The following ULK4 variants were observed in gnomAD, a reference collection of about 807,000 sequenced individuals.
ULK4 encodes unc-51 like kinase 4, also known as inactive serine/threonine-protein kinase ULK4.
A neutral mutation model predicts 160.6 loss-of-function variants in ULK4; 133 were observed. The ratio of observed to expected loss-of-function variants is 0.83; its 90% CI spans 0.72 to 0.96. ULK4 has a LOEUF of 0.96. Ranked by LOEUF, ULK4 falls within the 40% of genes least tolerant of loss-of-function variation. The pLI is 0.00. For missense variants in ULK4, 1,580 were observed against 1,499.5 expected, an observed-to-expected ratio of 1.05 and a Z score of -0.89; for synonymous variants, 534 against 539.8, an observed-to-expected ratio of 0.99 and a Z score of 0.15.
At chr3:41,543,046 A>G (rs1452733490) in intron 32 of ULK4, among the ~76,000 whole-genome samples, 1 of 152,172 alleles carries the variant, frequency 6.6e-6, no homozygotes, top group South Asian at 2.1e-4. Flanking sequence ...ACAGAGAAGC[A>G]TTCCCAAGGA....
intron 22 of ULK4, among the ~76,000 whole-genome samples, chr3:41,732,363 TCAA>T (rs1177520461): frequency 1.3e-5 from 2 of 152,202 alleles, no homozygotes; most frequent in Non-Finnish European, 2.9e-5. Flanking sequence ...TTAAAAATGC[TCAA>T]CAACATCACC....
intron 35 of ULK4, among the ~76,000 whole-genome samples, chr3:41,387,124 T>A (rs1435720499): frequency 3.3e-5 from 5 of 152,148 alleles, no homozygotes; most frequent in Admixed American, 6.6e-5. Context: ...AACTACTGTA[T>A]AAATTCATGG....
chr3:41,675,851 T>C (rs1443863159), intron 29 of ULK4, among the ~76,000 whole-genome samples: 1 of 152,236 alleles, frequency 6.6e-6, no homozygotes, highest in East Asian at 1.9e-4. Flanking sequence ...AATGCCTTGA[T>C]TTCAGACTTC....
chr3:41,641,877 T>A (rs538079416), intron 30 of ULK4, among the ~76,000 whole-genome samples: 1 of 151,466 alleles, frequency 6.6e-6, no homozygotes, highest in Non-Finnish European at 1.5e-5. Context: ...ATACCTTTTT[T>A]TTTTTTTTTT....
chr3:41,785,869 T>G (rs566910852), intron 21 of ULK4, among the ~76,000 whole-genome samples: 62 of 152,340 alleles, frequency 4.1e-4, no homozygotes, highest in Non-Finnish European at 5.6e-4. Flanking sequence ...CCTTCCTCCC[T>G]GCTGGCTGTG....
chr3:41,956,568 T>G (rs1397155013), intron 1 of ULK4, among the ~76,000 whole-genome samples: 4 of 152,092 alleles, frequency 2.6e-5, no homozygotes, highest in Admixed American at 2.6e-4. Flanking sequence ...CCTTATAAAT[T>G]TTGAGAAGCA....
intron 12 of ULK4, among the ~76,000 whole-genome samples, chr3:41,904,961 C>A (rs1698501534): frequency 1.3e-5 from 2 of 152,180 alleles, no homozygotes; most frequent in Admixed American, 1.3e-4. Flanking sequence ...TGATTAAAAT[C>A]CCAGCTGGCT....
chr3:41,336,445 G>A (rs2080557312), intron 35 of ULK4, among the ~76,000 whole-genome samples: 1 of 152,148 alleles, frequency 6.6e-6, no homozygotes, highest in Non-Finnish European at 1.5e-5. Flanking sequence ...AAGGTCCTAT[G>A]GACTTCTATT....
intron 32 of ULK4, among the ~76,000 whole-genome samples, chr3:41,537,923 A>ATTT (rs34200441): frequency 0.021 from 3,002 of 145,630 alleles, 100 homozygotes; most frequent in African/African-American, 0.07. Context: ...CCTTTGTGGC[A>ATTT]TTTTTTTTTT....
At chr3:41,553,685 C>CT (rs1019981534) in intron 32 of ULK4, among the ~76,000 whole-genome samples, 11 of 152,032 alleles carry the variant, frequency 7.2e-5, no homozygotes, top group African/African-American at 2.2e-4. Flanking sequence ...AAGAAGACTG[C>CT]TTTTTTGTGT....
chr3:41,858,975 A>T (rs2042436334), intron 17 of ULK4, among the ~76,000 whole-genome samples: 1 of 152,186 alleles, frequency 6.6e-6, no homozygotes, highest in Admixed American at 6.5e-5. Context: ...CTTGTCTTGC[A>T]GCAGTTTCTA....
chr3:41,375,133 A>G (rs1393306255), intron 35 of ULK4, among the ~76,000 whole-genome samples: 1 of 152,218 alleles, frequency 6.6e-6, no homozygotes, highest in Non-Finnish European at 1.5e-5. Flanking sequence ...GAAATAAAAG[A>G]GGACATAAAC....
chr3:41,825,124 T>C (rs958312364), intron 18 of ULK4, among the ~76,000 whole-genome samples: 51 of 152,058 alleles, frequency 3.4e-4, no homozygotes, highest in African/African-American at 1.2e-3. Flanking sequence ...GAAGGAAAAC[T>C]AACAAACAGA....
At chr3:41,954,533 C>T in intron 2 of ULK4, 89 bp downstream of exon 2, 1 of 1,460,396 alleles carries the variant, frequency 6.8e-7, no homozygotes, top group Non-Finnish European at 9.2e-7. Context: ...TTTGATATAT[C>T]AAATTCAATG....
chr3:41,439,428 C>T (rs763000880), intron 34 of ULK4, among the ~76,000 whole-genome samples: 14 of 151,928 alleles, frequency 9.2e-5, no homozygotes, highest in Admixed American at 2.6e-4. Context: ...AGGAAACCAC[C>T]GAACAAAATG....
chr3:41,621,300 G>T (rs138154837), intron 30 of ULK4, among the ~76,000 whole-genome samples: 6,531 of 151,966 alleles, frequency 0.043, 178 homozygotes, highest in African/African-American at 0.066. Flanking sequence ...AGAGCCTGTA[G>T]AGCCAAGACA....
Position 41,657,818 on chromosome 3 carries a change from T to TAAAAAAAAA in ULK4, c.3071+5780_3071+5788dup, listed in dbSNP as rs60281588. ...GTGACAAAGCGAGACTCCATCTCAT[T>TAAAAAAAAA]AAAAAAAAAAAAAAAAACACACACC... is the stretch of plus-strand genomic sequence containing the variant. On this transcript the variant is annotated intron_variant, in intron 30 of 36. Transcript: ENST00000301831. 1.2e-4 allele frequency among the ~76,000 whole-genome samples: 12 copies of TAAAAAAAAA among 99,718 alleles called. 2 individuals are homozygous for TAAAAAAAAA. The highest frequency in any genetic ancestry group is 4.7e-4 in the African/African-American group (7 of 14,968). 65.4% of individuals were successfully genotyped at this position (99,718 alleles called of 152,430 possible).
At chr3:41,959,235 C>T (rs1357290611) in intron 1 of ULK4, among the ~76,000 whole-genome samples, 1 of 151,164 alleles carries the variant, frequency 6.6e-6, no homozygotes, top group African/African-American at 2.4e-5. Flanking sequence ...CATGGTGGCA[C>T]GCGCCTGTAG....
chr3:41,516,215 G>T (rs1375637106), intron 32 of ULK4, among the ~76,000 whole-genome samples: 1 of 152,128 alleles, frequency 6.6e-6, no homozygotes, highest in Non-Finnish European at 1.5e-5. Flanking sequence ...CTGAGAAAGT[G>T]AAATTTTACT....
Sources: gnomAD v4.1 joint callset for allele counts (sites outside exome capture counted in the v4.1 genomes callset) on GRCh38, gnomAD v4.1.1 for gene constraint, MANE v1.5 for transcripts, NCBI Gene and HGNC (gene_info 2026-07-23, HGNC 2026-07-21) for gene names.